GLE1: variants seen among roughly 807,000 people sequenced by gnomAD.
GLE1 encodes the protein mRNA export factor GLE1.
Under a neutral mutation model 97.3 loss-of-function variants are expected in GLE1, and 78 were observed. The observed-to-expected ratio is 0.80, with a 90% confidence interval of 0.67 to 0.97. The LOEUF is 0.97. Among genes scored for constraint, GLE1 ranks in the 50% least tolerant of loss-of-function variants. The probability of loss-of-function intolerance (pLI) is 0.00; values close to 1 mark genes in which losing one functional copy is unlikely to be tolerated. For synonymous variants in GLE1, 302 were observed against 313.4 expected (o/e 0.96, Z 0.39); for missense variants, 753 against 857.5 (o/e 0.88, Z 1.52).
At chr9:128,509,774 C>T (rs1564142269) in intron 2 of GLE1, among the ~76,000 whole-genome samples, 1 of 151,506 alleles carries the variant, frequency 6.6e-6, no homozygotes, top group Non-Finnish European at 1.5e-5. Flanking sequence ...GCCTGGGCAA[C>T]ATAGTGAGAC....
chr9:128,536,550 C>A, intron 12 of GLE1, 66 bp downstream of exon 12: 2 of 1,422,722 alleles, frequency 1.4e-6, no homozygotes, highest in Admixed American at 3.4e-5. Flanking sequence ...ATTCCTCCCA[C>A]AGGAAATGTT....
Position 128,540,938 on chromosome 9 carries a change from G to C in GLE1, c.2029-164G>C, listed in dbSNP as rs187374345. ...GTTGTCTGGAGCAGATCATGCAGAA[G>C]TGGACATCTTATACAGAACCATCAG... On this transcript the variant is annotated intron_variant, in intron 15 of 15. Transcript: ENST00000309971. 453 of 642,046 alleles carry C rather than the reference G, an allele frequency of 7.1e-4. 2 individuals carry two copies. In the African/African-American group the frequency reaches 7.8e-3, roughly 11 times the overall value. The allele number at this position is 642,046 out of a possible 1,614,324, so 39.8% of individuals were successfully genotyped here.
chr9:128,531,214 C>CAA (rs34976261), intron 9 of GLE1, among the ~76,000 whole-genome samples: 33 of 40,816 alleles, frequency 8.1e-4, no homozygotes, highest in African/African-American at 2.2e-3. Flanking sequence ...AACTCCATCT[C>CAA]AAAAAAAAAA....
intron 1 of GLE1, among the ~76,000 whole-genome samples, chr9:128,508,045 T>C (rs1846692130): frequency 6.6e-6 from 1 of 151,890 alleles, no homozygotes; most frequent in South Asian, 2.1e-4. Flanking sequence ...CCAGGCATGG[T>C]GGTGCATGCC....
Position 128,541,240 on chromosome 9 carries a change from T to C in GLE1, c.*70T>C. On this transcript the variant is annotated 3_prime_UTR_variant, in exon 16 of 16. Transcript: ENST00000309971. The stretch of plus-strand genomic sequence containing the variant: ...AATAAAGGAACTGAAGACAGCTGTA[T>C]TTGGGAGAAGTCATGTCAGATTCAG... 1 of 904,620 alleles carries C rather than the reference T, an allele frequency of 1.1e-6. No homozygotes were observed. The allele number at this position is 904,620 out of a possible 1,614,324, so 56.0% of individuals were successfully genotyped here. A position where few individuals can be genotyped will look rare whatever the true frequency, so the allele number is the denominator to read the frequency against.
intron 3 of GLE1, among the ~76,000 whole-genome samples, chr9:128,522,354 G>A (rs1048235268): frequency 2.0e-5 from 3 of 152,192 alleles, no homozygotes; most frequent in African/African-American, 4.8e-5. Context: ...GCGCTCCAGA[G>A]AGCAGGTGTT....
rs150749947 is a variant in GLE1 at position 128,520,440 on chromosome 9, A to G, written c.433-2228A>G. Among the ~76,000 whole-genome samples, 1,237 of 146,448 alleles carry G rather than the reference A, an allele frequency of 8.4e-3. 8 individuals carry two copies. Among genetic ancestry groups the G allele is most frequent in the Non-Finnish European group, 0.011 (710 of 66,792 alleles). On this transcript the variant is annotated intron_variant, in intron 3 of 15. Transcript: ENST00000309971. Reference sequence around the variant, plus strand: ...TATATGTATATATGTATATATATGTATATATATATAAAAAATACAATAAAA... The same window carrying G: ...TATATGTATATATGTATATATATGTGTATATATATAAAAAATACAATAAAA...
chr9:128,539,824 T>G, intron 14 of GLE1, 126 bp downstream of exon 14: 1 of 1,566,858 alleles, frequency 6.4e-7, no homozygotes, highest in Non-Finnish European at 8.6e-7. Flanking sequence ...GTATGACATC[T>G]TTCCTACTCC....
chr9:128,531,874 A>G (rs1437832497), intron 9 of GLE1, among the ~76,000 whole-genome samples: 2 of 149,326 alleles, frequency 1.3e-5, no homozygotes, highest in Admixed American at 1.3e-4. Context: ...ATGAGTGGTT[A>G]GAATTAGAAG....
At chr9:128,539,209 G>T (rs1251946042) in intron 13 of GLE1, among the ~76,000 whole-genome samples, 1 of 152,086 alleles carries the variant, frequency 6.6e-6, no homozygotes, top group Non-Finnish European at 1.5e-5. Flanking sequence ...CCTCTAGCCT[G>T]GGCGACAGAG....
rs1847717453 is a variant in GLE1 at position 128,536,558 on chromosome 9, G to A, written c.1776+74G>A. 1.5e-5 allele frequency: 21 copies of A among 1,375,432 alleles called. No individual in the cohort carries two copies. In the South Asian group the frequency reaches 2.4e-4, roughly 16 times the overall value. 85.2% of individuals were successfully genotyped at this position (1,375,432 alleles called of 1,614,324 possible). A position where few individuals can be genotyped will look rare whatever the true frequency, so the allele number is the denominator to read the frequency against. On this transcript the variant is annotated intron_variant, in intron 12 of 15. Coordinates refer to ENST00000309971, the MANE Select transcript of GLE1 (RefSeq NM_001003722.2). ...CATGTGTATTCCTCCCACAGGAAAT[G>A]TTGGCCTTCTTTCAGAGAGCCAGTC... is the stretch of plus-strand genomic sequence containing the variant.
chr9:128,520,929 A>AT (rs1264842647), intron 3 of GLE1, among the ~76,000 whole-genome samples: 2 of 151,796 alleles, frequency 1.3e-5, no homozygotes, highest in African/African-American at 4.8e-5. Context: ...CAGCCAGATA[A>AT]TTTTTAAATT....
In GLE1 at chr9:128,508,946, T is replaced by C; in HGVS notation, c.170T>C (p.Leu57Pro). 1 of 1,611,828 alleles carries C rather than the reference T, an allele frequency of 6.2e-7. No homozygotes were observed. Among genetic ancestry groups the C allele is most frequent in the South Asian group, 1.1e-5 (1 of 91,028 alleles). The change falls in exon 2 of 16, where the codon CTA (leucine) becomes CCA (proline). Residue 57 changes from leucine to proline, a missense_variant. Physicochemically the swap from Leu to Pro is moderately conservative, Grantham distance 98. Coordinates refer to ENST00000309971, the MANE Select transcript of GLE1 (RefSeq NM_001003722.2). Reference sequence around the variant, plus strand: ...TCTGGATGGGTGGTAGAGCACGTCCTACCCCATATGCAGGAGAACCAACCT... The same window carrying C: ...TCTGGATGGGTGGTAGAGCACGTCCCACCCCATATGCAGGAGAACCAACCT... The part of the protein sequence containing the change: ...SYSGWVVEHV[L>P]PHMQENQPLS...
chr9:128,532,623 C>T (rs1005151982), intron 9 of GLE1: 20 of 629,290 alleles, frequency 3.2e-5, no homozygotes, highest in Non-Finnish European at 7.9e-6. Context: ...TTTCCTCTCT[C>T]ATCTCATCTG....
At chr9:128,540,203 A>T in intron 14 of GLE1, 72 bp from the exon 15 acceptor site, 1 of 1,030,636 alleles carries the variant, frequency 9.7e-7, no homozygotes, top group Non-Finnish European at 1.5e-6. Flanking sequence ...CCTAGGTGAC[A>T]GAGTGAGACA....
chr9:128,535,599 T>A (rs763798377), intron 11 of GLE1, among the ~76,000 whole-genome samples: 2 of 150,596 alleles, frequency 1.3e-5, no homozygotes, highest in Non-Finnish European at 2.9e-5. Flanking sequence ...GGCGGGCAGA[T>A]CACCTGAGGT....
chr9:128,532,775 C>A, intron 9 of GLE1: 2 of 373,582 alleles, frequency 5.4e-6, no homozygotes, highest in African/African-American at 2.2e-5. Context: ...CTGACTGGCT[C>A]AGCTTGACTG....
At position 128,540,274 on chromosome 9, in the gene GLE1, G is replaced by C; in HGVS notation, c.1965-1G>C. The C allele has an allele frequency of 6.3e-7, 1 of 1,595,398 alleles. No individual in the cohort carries two copies. The highest frequency in any genetic ancestry group is 2.2e-5 in the East Asian group (1 of 44,782). On this transcript the variant is annotated splice_acceptor_variant, in intron 14 of 15. Coordinates refer to ENST00000309971, the MANE Select transcript of GLE1 (RefSeq NM_001003722.2). LOFTEE classifies it high-confidence loss of function. ...ATTCATGTGTCTTTCTCTCCCTGTA[G>C]AATTGAAGCTATCACAAGCTCAGGA...
intron 12 of GLE1, chr9:128,536,972 G>A (rs1166715276): frequency 2.4e-5 from 4 of 167,376 alleles, no homozygotes; most frequent in African/African-American, 9.6e-5. Flanking sequence ...AGAAAAAATA[G>A]AAGTTGATTA....
Sources: gnomAD v4.1 joint callset for allele counts (sites outside exome capture counted in the v4.1 genomes callset) on GRCh38, gnomAD v4.1.1 for gene constraint, MANE v1.5 for transcripts, NCBI Gene and HGNC (gene_info 2026-07-23, HGNC 2026-07-21) for gene names.